Variants in THBS4 observed in about 807,000 individuals in gnomAD.
THBS4 encodes the protein thrombospondin-4.
A neutral mutation model predicts 115.7 loss-of-function variants in THBS4; 90 were observed. The observed-to-expected ratio is 0.78, with a 90% CI of 0.66 to 0.93. The LOEUF is 0.93. Ranked by LOEUF, THBS4 falls within the 40% of genes least tolerant of loss-of-function variation. The pLI is 0.00. For synonymous variants in THBS4, 460 were observed against 479.3 expected (o/e 0.96, Z 0.53); for missense variants, 1,087 against 1,232.7 (o/e 0.88, Z 1.77).
intron 10 of THBS4, 93 bp from the exon 11 acceptor site, chr5:80,070,212 TG>T: frequency 9.4e-7 from 1 of 1,058,588 alleles, no homozygotes. Flanking sequence ...GCCCTCCCCC[TG>T]GGATTGAGCA....
chr5:80,027,845 G>C (rs1214232535), intron 2 of THBS4, among the ~76,000 whole-genome samples: 1 of 146,888 alleles, frequency 6.8e-6, no homozygotes, highest in African/African-American at 2.6e-5. Context: ...AGTGAGCCGA[G>C]GTCGTGCCAC....
In THBS4 at chr5:80,078,959, C is replaced by T. The variant is rs1442332894; in HGVS notation, c.2304C>T (p.Gly768=). The T allele has an allele frequency of 1.2e-6, 2 of 1,614,100 alleles. No individual in the cohort carries two copies. Among genetic ancestry groups the T allele is most frequent in the Non-Finnish European group, 1.7e-6 (2 of 1,179,976 alleles). Reference sequence around the variant, plus strand: ...TACAGACCATGAACAGTGATCCTGGCCTGGCAGTGGGTATGTCCAGGGCCT... The same window carrying T: ...TACAGACCATGAACAGTGATCCTGGTCTGGCAGTGGGTATGTCCAGGGCCT... ...EIVQTMNSDP[G]LAVGYTAFNG... The change falls in exon 18 of 22, where the codon GGC becomes GGT. Residue 768 remains glycine (G), a synonymous_variant. Transcript: ENST00000350881.
upstream of THBS4, among the ~76,000 whole-genome samples, chr5:80,031,987 A>G (rs757550652): frequency 6.6e-6 from 1 of 152,224 alleles, no homozygotes; most frequent in Non-Finnish European, 1.5e-5. Flanking sequence ...ACTTGGAATT[A>G]GAGTTACAAA....
intron 2 of THBS4, among the ~76,000 whole-genome samples, chr5:80,020,367 G>A (rs1370536278): frequency 2.0e-5 from 3 of 152,222 alleles, no homozygotes; most frequent in East Asian, 1.9e-4. Context: ...CCAACTACTC[G>A]GGAGGCTGAG....
chr5:80,083,016 CG>C, intron 21 of THBS4, 63 bp from the exon 22 acceptor site: 4 of 1,471,288 alleles, frequency 2.7e-6, no homozygotes, highest in Non-Finnish European at 3.8e-6. Context: ...GAGCCGCGGG[CG>C]GGGGTCCGGG....
At position 80,059,819 on chromosome 5, in the gene THBS4, T is replaced by C; in HGVS notation, c.901T>C (p.Cys301Arg). Reference protein sequence around the residue: ...DSNPCFRGVQCTDSRDGFQCG... With the variant: ...DSNPCFRGVQRTDSRDGFQCG... ...CAACCCATGTTTCCGAGGTGTCCAA[T>C]GTACCGACAGTAGAGATGGCTTCCA... The change falls in exon 7 of 22, where the codon TGT becomes CGT. Residue 301 changes from cysteine to arginine, a missense_variant. By Grantham distance (180) the Cys-to-Arg change is radical (BLOSUM62 -3). Around this residue, in one of 3 missense-constraint regions of THBS4, gnomAD observed 979 missense variants for 1,103.7 expected, o/e 0.89. Coordinates refer to ENST00000350881, the MANE Select transcript of THBS4 (RefSeq NM_003248.6). 2 of 1,614,134 alleles carry C rather than the reference T, an allele frequency of 1.2e-6. No homozygotes were observed. The highest frequency in any genetic ancestry group is 1.7e-6 in the Non-Finnish European group (2 of 1,180,012).
At chr5:80,062,668 A>G (rs1246748769) in intron 8 of THBS4, among the ~76,000 whole-genome samples, 1 of 152,116 alleles carries the variant, frequency 6.6e-6, no homozygotes, top group Non-Finnish European at 1.5e-5. Context: ...ATATCTCCTA[A>G]TGCTATCCTT....
chr5:80,035,517 C>A lies in THBS4; in HGVS notation c.-21C>A. 3.0e-6 allele frequency: 4 copies of A among 1,326,626 alleles called. No individual in the cohort carries two copies. Among genetic ancestry groups the A allele is most frequent in the Non-Finnish European group, 3.9e-6 (4 of 1,037,514 alleles). The allele number at this position is 1,326,626 out of a possible 1,614,324, so 82.2% of individuals were successfully genotyped here. The stretch of plus-strand genomic sequence containing the variant: ...AACGCCGCCGTCGCCCCCGGCCTCG[C>A]GGGGAGCAGGAAGAGCCAACATGCT... On this transcript the variant is annotated 5_prime_UTR_variant, in exon 1 of 22. Transcript: ENST00000350881. The surrounding 1 kb of genome is among the most constrained non-coding windows in gnomAD (Gnocchi z 4.6).
intron 2 of THBS4, among the ~76,000 whole-genome samples, chr5:80,021,694 T>C (rs1490252250): frequency 6.6e-6 from 1 of 152,142 alleles, no homozygotes; most frequent in Non-Finnish European, 1.5e-5. Flanking sequence ...CTGTGTTTTG[T>C]ATATTTTGTA....
rs538718070 is a variant in THBS4, at chr5:80,035,406, C to G, written c.-132C>G. The G allele has an allele frequency of 1.0e-3, 451 of 444,542 alleles. 9 individuals are homozygous for G. In the East Asian group the frequency reaches 0.023, roughly 22 times the overall value. 27.5% of individuals were successfully genotyped at this position (444,542 alleles called of 1,614,324 possible). ...CGCGAGCGCGCCCCCGACGGCAGCC[C>G]GGACGCCGAGCACGGGTCACCTGCG... On this transcript the variant is annotated 5_prime_UTR_variant, in exon 1 of 22. Coordinates refer to ENST00000350881, the MANE Select transcript of THBS4 (RefSeq NM_003248.6). The surrounding 1 kb of genome is among the most constrained non-coding windows in gnomAD (Gnocchi z 4.6).
chr5:80,068,201 C>T (rs1833906855), intron 10 of THBS4, 76 bp downstream of exon 10: 3 of 1,554,880 alleles, frequency 1.9e-6, no homozygotes, highest in Non-Finnish European at 1.8e-6. Context: ...TTTCTATGTG[C>T]TTCAGGGTAA....
intron 11 of THBS4, 51 bp downstream of exon 11, chr5:80,070,461 G>A (rs766659344): frequency 3.2e-6 from 5 of 1,549,974 alleles, no homozygotes; most frequent in South Asian, 1.1e-5. Context: ...GCTTTCCAAA[G>A]TCACATCTTC....
chr5:79,995,972 T>TAAA (rs34667223), intron 1 of THBS4, among the ~76,000 whole-genome samples: 6 of 143,100 alleles, frequency 4.2e-5, no homozygotes, highest in African/African-American at 1.0e-4. Flanking sequence ...CAATCTCTAC[T>TAAA]AAAAAAAAAA....
At chr5:80,033,575 A>T (rs942174129), upstream of THBS4, among the ~76,000 whole-genome samples, 1 of 152,194 alleles carries the variant, frequency 6.6e-6, no homozygotes, top group Non-Finnish European at 1.5e-5. Flanking sequence ...TCTAGTGTCT[A>T]CCTTCTACCT....
intron 2 of THBS4, among the ~76,000 whole-genome samples, chr5:80,025,957 C>T (rs1010205672): frequency 2.6e-5 from 4 of 152,158 alleles, no homozygotes; most frequent in African/African-American, 9.7e-5. Context: ...AGAGGCATGG[C>T]AGAACTCCAC....
chr5:80,062,942 C>T (rs1173865438), intron 8 of THBS4, among the ~76,000 whole-genome samples: 1 of 152,162 alleles, frequency 6.6e-6, no homozygotes, highest in Non-Finnish European at 1.5e-5. Context: ...CATTGATGGA[C>T]ATTTGGGTTG....
chr5:80,044,321 A>T (rs1056138674), intron 2 of THBS4, among the ~76,000 whole-genome samples: 1 of 152,244 alleles, frequency 6.6e-6, no homozygotes, highest in Non-Finnish European at 1.5e-5. Flanking sequence ...AAAAGAATAA[A>T]TGGAGGCTGA....
At chr5:80,039,904 A>T (rs1832838099) in intron 1 of THBS4, among the ~76,000 whole-genome samples, 173 bp from the exon 2 acceptor site, 1 of 152,214 alleles carries the variant, frequency 6.6e-6, no homozygotes, top group Non-Finnish European at 1.5e-5. Flanking sequence ...TCCAGCCACT[A>T]TAAAAGTGAC....
chr5:79,992,880 C>G (rs555482774), intron 1 of THBS4, among the ~76,000 whole-genome samples: 2 of 152,292 alleles, frequency 1.3e-5, no homozygotes, highest in African/African-American at 4.8e-5. Context: ...TAAAGTAATT[C>G]AACTTTCAGA....
Sources: allele counts gnomAD v4.1 joint callset (sites outside exome capture counted in the v4.1 genomes callset), GRCh38; gene constraint gnomAD v4.1.1; regional missense constraint gnomAD v4.1.1; non-coding constraint Gnocchi (gnomAD v3.1); transcripts MANE v1.5; gene names NCBI Gene and HGNC (gene_info 2026-07-23, HGNC 2026-07-21).